BEND6: variants seen among roughly 807,000 people sequenced by gnomAD.
BEND6 encodes BEN domain-containing protein 6.
Under a neutral mutation model 31.8 loss-of-function variants are expected in BEND6, and 24 were observed. The ratio of observed to expected loss-of-function variants is 0.75; its 90% CI spans 0.55 to 1.06. BEND6 has a LOEUF of 1.06. BEND6 is among the 50% of genes least tolerant of loss of function. The probability of loss-of-function intolerance (pLI) is 0.00; values close to 1 mark genes in which losing one functional copy is unlikely to be tolerated. For synonymous variants in BEND6, 109 were observed against 114.6 expected (o/e 0.95, Z 0.31); for missense variants, 294 against 327.4 (o/e 0.90, Z 0.79).
chr6:56,982,660 A>G (rs1338065236), intron 2 of BEND6, among the ~76,000 whole-genome samples: 1 of 152,096 alleles, frequency 6.6e-6, no homozygotes, highest in African/African-American at 2.4e-5. Context: ...TTAAATAAAT[A>G]TTACATTCTT....
intron 3 of BEND6, among the ~76,000 whole-genome samples, chr6:56,993,480 A>C (rs1826587604): frequency 6.6e-6 from 1 of 152,200 alleles, no homozygotes; most frequent in South Asian, 2.1e-4. Flanking sequence ...TGGCTTATGA[A>C]AATAGAGGGG....
chr6:57,025,501 G>A (rs1322610507), intron 6 of BEND6, among the ~76,000 whole-genome samples: 1 of 152,198 alleles, frequency 6.6e-6, no homozygotes, highest in African/African-American at 2.4e-5. Context: ...GACCTGAATG[G>A]GGGATGTCCC....
intron 3 of BEND6, among the ~76,000 whole-genome samples, chr6:57,011,715 C>CAAAAAAAAAAAAAA (rs770049459): frequency 8.8e-5 from 3 of 34,070 alleles, no homozygotes; most frequent in Non-Finnish European, 1.2e-4. Flanking sequence ...GGCCCTGTCT[C>CAAAAAAAAAAAAAA]AAAAAAAAAA....
intron 1 of BEND6, among the ~76,000 whole-genome samples, chr6:56,962,200 A>G (rs1419143475): frequency 6.6e-6 from 1 of 152,180 alleles, no homozygotes; most frequent in Non-Finnish European, 1.5e-5. Context: ...CAGCACCTTG[A>G]TATTACTGCA....
At chr6:56,996,112 A>G (rs1376329752) in intron 3 of BEND6, among the ~76,000 whole-genome samples, 1 of 152,040 alleles carries the variant, frequency 6.6e-6, no homozygotes, top group Non-Finnish European at 1.5e-5. Context: ...TTCTATCTGC[A>G]TTCATTCTCT....
chr6:56,964,142 A>G (rs6925107), intron 1 of BEND6, among the ~76,000 whole-genome samples: 109,034 of 151,294 alleles, frequency 0.72, 39,985 homozygotes, highest in South Asian at 0.89. Context: ...GAAGCACAGA[A>G]AGATTACATG....
intron 2 of BEND6, among the ~76,000 whole-genome samples, chr6:56,991,041 C>G (rs529876711): frequency 2.6e-5 from 4 of 152,132 alleles, no homozygotes; most frequent in Non-Finnish European, 5.9e-5. Flanking sequence ...ATATTGCAAT[C>G]TAATGAAAAC....
chr6:56,967,650 A>T (rs2127842011), intron 1 of BEND6, among the ~76,000 whole-genome samples: 1 of 152,320 alleles, frequency 6.6e-6, no homozygotes, highest in South Asian at 2.1e-4. Context: ...CTATAGTCCT[A>T]ATAAACACTG....
chr6:56,957,124 A>C (rs1226892001), intron 1 of BEND6, among the ~76,000 whole-genome samples: 2 of 152,240 alleles, frequency 1.3e-5, no homozygotes, highest in East Asian at 1.9e-4. Context: ...ACAAAAAGCA[A>C]CTAAATAGCT....
At chr6:56,981,652 A>G in intron 1 of BEND6, 59 bp from the exon 2 acceptor site, 1 of 688,270 alleles carries the variant, frequency 1.5e-6, no homozygotes, top group Non-Finnish European at 2.4e-6. Context: ...GGCTAGTACC[A>G]TTATGAAACA....
In BEND6 at chr6:57,026,326, T is replaced by C. The variant is rs531600005; in HGVS notation, c.*254T>C. On this transcript the variant is annotated 3_prime_UTR_variant, in exon 7 of 7. Coordinates refer to ENST00000370746, the MANE Select transcript of BEND6 (RefSeq NM_152731.3). ...AGAATTTCTGCCAGTCAAATAAGCATGCAATATGGTTTCTTTGGAAATAAG... is the reference window on the plus strand; with the variant it reads ...AGAATTTCTGCCAGTCAAATAAGCACGCAATATGGTTTCTTTGGAAATAAG... 9.8e-5 allele frequency: 15 copies of C among 152,316 alleles called. No individual in the cohort carries two copies. The highest frequency in any genetic ancestry group is 3.6e-4 in the African/African-American group (15 of 41,580). The allele number at this position is 152,316 out of a possible 1,614,324, so 9.4% of individuals were successfully genotyped here. A position where few individuals can be genotyped will look rare whatever the true frequency, so the allele number is the denominator to read the frequency against.
At chr6:56,983,551 T>C (rs1826142178) in intron 2 of BEND6, among the ~76,000 whole-genome samples, 2 of 152,188 alleles carry the variant, frequency 1.3e-5, no homozygotes, top group Non-Finnish European at 2.9e-5. Context: ...GTAAGTGAGA[T>C]CATGCAATAA....
intron 1 of BEND6, among the ~76,000 whole-genome samples, chr6:56,957,178 C>A (rs2127835408): frequency 6.6e-6 from 1 of 152,298 alleles, no homozygotes; most frequent in African/African-American, 2.4e-5. Flanking sequence ...CTGTTATCAT[C>A]CTGCGTCTTG....
chr6:56,992,465 T>G lies in BEND6; in HGVS notation c.208T>G (p.Leu70Val). The change falls in exon 3 of 7, where the codon TTG (leucine) becomes GTG (valine). Residue 70 changes from leucine to valine, a missense_variant. Leu to Val is a conservative substitution (Grantham distance 32). Transcript: ENST00000370746. ...EPLAELSKEE[L>V]CAKIKSLKEK... ...TTTAGCAGAATTGTCAAAGGAAGAA[T>G]TGTGCGCCAAAATAAAAAGCCTGAA... 6.2e-7 allele frequency: 1 copy of G among 1,614,118 alleles called. No homozygotes were observed. Among genetic ancestry groups the G allele is most frequent in the Non-Finnish European group, 8.5e-7 (1 of 1,180,022 alleles).
chr6:56,975,757 T>C (rs774210404), intron 1 of BEND6: 21 of 521,474 alleles, frequency 4.0e-5, no homozygotes, highest in Non-Finnish European at 7.3e-5. Context: ...TTATGAAACG[T>C]AAACCTCCCA....
chr6:56,981,690 G>GT (rs1826074947), intron 1 of BEND6, 21 bp from the exon 2 acceptor site: 2 of 1,110,690 alleles, frequency 1.8e-6, no homozygotes, highest in Non-Finnish European at 2.6e-6. Flanking sequence ...TATGTGTCAT[G>GT]TTTTTGTTTT....
intron 1 of BEND6, among the ~76,000 whole-genome samples, chr6:56,969,833 T>C (rs1490961408): frequency 1.3e-5 from 2 of 152,158 alleles, no homozygotes; most frequent in African/African-American, 4.8e-5. Flanking sequence ...GAATTTATGT[T>C]TTGATTTGCT....
chr6:56,965,676 T>TATATA (rs1276614901), intron 1 of BEND6, among the ~76,000 whole-genome samples: 1 of 136,556 alleles, frequency 7.3e-6, no homozygotes. Flanking sequence ...ACAAAAAAAT[T>TATATA]TATATATATA....
chr6:56,987,313 T>C (rs1826318743), intron 2 of BEND6, among the ~76,000 whole-genome samples: 1 of 152,212 alleles, frequency 6.6e-6, no homozygotes, highest in Non-Finnish European at 1.5e-5. Context: ...CTCCAGAACT[T>C]ACCTATTCCC....
Sources: allele counts gnomAD v4.1 joint callset (sites outside exome capture counted in the v4.1 genomes callset), GRCh38; gene constraint gnomAD v4.1.1; transcripts MANE v1.5; gene names NCBI Gene and HGNC (gene_info 2026-07-23, HGNC 2026-07-21).